The following CHERP variants were observed in gnomAD, a reference collection of about 807,000 sequenced individuals.
CHERP encodes calcium homeostasis endoplasmic reticulum protein.
A neutral mutation model predicts 113.8 loss-of-function variants in CHERP; 8 were observed. The ratio of observed to expected loss-of-function variants is 0.07; its 90% confidence interval spans 0.04 to 0.13. The LOEUF (loss-of-function observed/expected upper bound fraction) is 0.13. Among genes scored for constraint, CHERP ranks in the 10% least tolerant of loss-of-function variants. The pLI, the probability that CHERP is intolerant of heterozygous loss-of-function variation, is 1.00. For missense variants in CHERP, 884 were observed against 1,298.2 expected (o/e 0.68, Z 4.90); for synonymous variants, 559 against 524.5 (o/e 1.07, Z -0.90).
chr19:16,527,036 G>A (rs2085661753), intron 9 of CHERP, among the ~76,000 whole-genome samples: 1 of 152,214 alleles, frequency 6.6e-6, no homozygotes, highest in African/African-American at 2.4e-5. Flanking sequence ...AACGTGTTAA[G>A]ACCCCACATG....
intron 8 of CHERP, among the ~76,000 whole-genome samples, chr19:16,528,949 T>C (rs2085675822): frequency 6.6e-6 from 1 of 152,066 alleles, no homozygotes; most frequent in Non-Finnish European, 1.5e-5. Context: ...CAAGACTCCA[T>C]CTCAAAAAAA....
At position 16,535,727 on chromosome 19, in the gene CHERP, C is replaced by T; in HGVS notation, c.200-91G>A. 2.4e-6 allele frequency: 3 copies of T among 1,251,500 alleles called. No homozygotes were observed. Among genetic ancestry groups the T allele is most frequent in the Non-Finnish European group, 3.2e-6 (3 of 931,124 alleles). The allele number at this position is 1,251,500 out of a possible 1,614,324, so 77.5% of individuals were successfully genotyped here. ...ACCTCTCAGCCACAGGGGCCTCCCC[C>T]TCCCCAGGGACTCACCATCCACGAG... On this transcript the variant is annotated intron_variant, in intron 2 of 16. Transcript: ENST00000546361. This position sits in a 1 kb window ranked among gnomAD's most constrained non-coding sequence, Gnocchi z 4.3.
intron 9 of CHERP, among the ~76,000 whole-genome samples, chr19:16,527,732 A>G (rs1399966954): frequency 6.6e-6 from 1 of 152,222 alleles, no homozygotes; most frequent in African/African-American, 2.4e-5. Context: ...CAGGATGACA[A>G]AACACTGACA....
At chr19:16,522,610 C>T (rs2085627160) in intron 11 of CHERP, among the ~76,000 whole-genome samples, 1 of 152,160 alleles carries the variant, frequency 6.6e-6, no homozygotes, top group African/African-American at 2.4e-5. Context: ...GGCCATCCCA[C>T]AGTGGTACCA....
In CHERP at chr19:16,523,465, C is replaced by T. The variant is rs947691352; in HGVS notation, c.1742-175G>A. Among the ~76,000 whole-genome samples the T allele has an allele frequency of 2.0e-5, 3 of 152,036 alleles. No individual in the cohort carries two copies. The highest frequency in any genetic ancestry group is 6.6e-5 in the Admixed American group (1 of 15,262). ...AGCAAGGCACCGAGGAGCCAGGCTC[C>T]GAGGGGCCTGTCCCGCACCCATAGG... On this transcript the variant is annotated intron_variant, in intron 10 of 16. Transcript: ENST00000546361. The surrounding 1 kb of genome is among the most constrained non-coding windows in gnomAD (Gnocchi z 4.0).
Position 16,535,691 on chromosome 19 carries a change from T to G in CHERP, c.200-55A>C. The G allele has an allele frequency of 7.0e-7, 1 of 1,423,194 alleles. No homozygotes were observed. Among genetic ancestry groups the G allele is most frequent in the Non-Finnish European group, 9.3e-7 (1 of 1,080,496 alleles). 88.2% of individuals were successfully genotyped at this position (1,423,194 alleles called of 1,614,324 possible). ...GAGAATGCAGATGGGGGTCTAGGTG[T>G]CCCCTTGGCCACCTCTCAGCCACAG... On this transcript the variant is annotated intron_variant, in intron 2 of 16. Coordinates refer to ENST00000546361, the MANE Select transcript of CHERP (RefSeq NM_006387.6). This position sits in a 1 kb window ranked among gnomAD's most constrained non-coding sequence, Gnocchi z 4.3.
chr19:16,529,541 G>C, intron 8 of CHERP, 107 bp downstream of exon 8: 1 of 1,375,026 alleles, frequency 7.3e-7, no homozygotes, highest in Admixed American at 2.1e-5. Flanking sequence ...TGGGACGAGG[G>C]AACAAGAACT....
rs1225147150 is a variant in CHERP at position 16,532,993 on chromosome 19, G to A, written c.522+18C>T. The stretch of plus-strand genomic sequence containing the variant: ...GGACCAAGGGAAAGCTGGGCTCTGG[G>A]AAGTGCTGGCCCCTCACCGAGATGG... On this transcript the variant is annotated intron_variant, in intron 4 of 16. Coordinates refer to ENST00000546361, the MANE Select transcript of CHERP (RefSeq NM_006387.6). The surrounding 1 kb of genome is among the most constrained non-coding windows in gnomAD (Gnocchi z 4.4). The A allele has an allele frequency of 1.3e-6, 2 of 1,560,604 alleles. No individual in the cohort carries two copies. Among genetic ancestry groups the A allele is most frequent in the Non-Finnish European group, 1.7e-6 (2 of 1,151,548 alleles).
At position 16,535,311 on chromosome 19, in the gene CHERP, G is replaced by C. The variant is rs1252538027; in HGVS notation, c.384+141C>G. The C allele has an allele frequency of 8.3e-6, 7 of 846,206 alleles. No individual in the cohort carries two copies. The highest frequency in any genetic ancestry group is 3.4e-5 in the African/African-American group (2 of 59,176). The allele number at this position is 846,206 out of a possible 1,614,324, so 52.4% of individuals were successfully genotyped here. A position where few individuals can be genotyped will look rare whatever the true frequency, so the allele number is the denominator to read the frequency against. On this transcript the variant is annotated intron_variant, in intron 3 of 16. Transcript: ENST00000546361. The surrounding 1 kb of genome is among the most constrained non-coding windows in gnomAD (Gnocchi z 4.3). ...TCTGGCATCAGGGCTGGGGGTGACA[G>C]TGGCTGACATGCACCGAGCCCTGGG...
Position 16,519,018 on chromosome 19 carries a change from TCTTC to T in CHERP, c.*137_*140del. 1 of 795,572 alleles carries T rather than the reference TCTTC, an allele frequency of 1.3e-6. No individual in the cohort carries two copies. The allele number at this position is 795,572 out of a possible 1,614,324, so 49.3% of individuals were successfully genotyped here. ...GGCGTTCCCACTGGGCATGCGCTGGTCTTCCTTCTCTTCCTGTGGCTCTCCACAA... is the reference window on the plus strand; with the variant it reads ...GGCGTTCCCACTGGGCATGCGCTGGTCTTCTCTTCCTGTGGCTCTCCACAA... On this transcript the variant is annotated 3_prime_UTR_variant, in exon 17 of 17. Transcript: ENST00000546361. The surrounding 1 kb of genome is among the most constrained non-coding windows in gnomAD (Gnocchi z 6.0).
In CHERP at chr19:16,535,347, G is replaced by A. The variant is rs567783020; in HGVS notation, c.384+105C>T. Reference sequence around the variant, plus strand: ...GCACCGAGCCCTGGGTGGCAGGGGGGGCCCTGTCCTCACTGACACCTGTTA... The same window carrying A: ...GCACCGAGCCCTGGGTGGCAGGGGGAGCCCTGTCCTCACTGACACCTGTTA... On this transcript the variant is annotated intron_variant, in intron 3 of 16. Coordinates refer to ENST00000546361, the MANE Select transcript of CHERP (RefSeq NM_006387.6). This position sits in a 1 kb window ranked among gnomAD's most constrained non-coding sequence, Gnocchi z 4.3. The A allele has an allele frequency of 3.2e-6, 4 of 1,242,132 alleles. No individual in the cohort carries two copies. The highest frequency in any genetic ancestry group is 4.2e-5 in the Admixed American group (2 of 47,104). 76.9% of individuals were successfully genotyped at this position (1,242,132 alleles called of 1,614,324 possible).
At chr19:16,541,301 C>G (rs545949400) in intron 2 of CHERP, 1 of 152,400 alleles carries the variant, frequency 6.6e-6, no homozygotes, top group Non-Finnish European at 1.5e-5. Flanking sequence ...AGCCGCACCA[C>G]CTGGTGACTA....
chr19:16,528,885 G>A (rs565811189), intron 8 of CHERP, among the ~76,000 whole-genome samples: 2 of 152,310 alleles, frequency 1.3e-5, no homozygotes, highest in Non-Finnish European at 2.9e-5. Context: ...CCCAGGAAGC[G>A]GAGCTTGCAG....
In CHERP at chr19:16,520,457, G is replaced by A; in HGVS notation, c.2252C>T (p.Ser751Phe). 1 of 1,614,092 alleles carries A rather than the reference G, an allele frequency of 6.2e-7. No individual in the cohort carries two copies. The highest frequency in any genetic ancestry group is 8.5e-7 in the Non-Finnish European group (1 of 1,180,022). The change falls in exon 14 of 17, where the codon TCC becomes TTC. Residue 751 changes from serine (S) to phenylalanine (F), a missense_variant. Ser to Phe is a radical substitution (Grantham distance 155). This residue lies in a region of CHERP where 159 missense variants were observed against 185.8 expected (regional missense o/e 0.86). Coordinates refer to ENST00000546361, the MANE Select transcript of CHERP (RefSeq NM_006387.6). This position sits in a 1 kb window ranked among gnomAD's most constrained non-coding sequence, Gnocchi z 4.0. ...CTTGGAGGATCTTGAGTTGGAGCGG[G>A]AGGAAGAACGCCCTCGACTCTTGGA... The part of the protein sequence containing the change: ...SRSKSRGRSS[S>F]RSNSRSSKSS...
In CHERP at chr19:16,541,871, C is replaced by G. The variant is rs2085782495; in HGVS notation, c.198G>C (p.Gln66His). 1.2e-6 allele frequency: 2 copies of G among 1,611,758 alleles called. No homozygotes were observed. The highest frequency in any genetic ancestry group is 1.7e-6 in the Non-Finnish European group (2 of 1,179,458). ...YKCKLALEQQ[Q>H]LICKQQTPEL... ...GCCTGAGTGCCGGAGGGGACTCACG[C>G]TGCTGCTGCTCCAGCGCCAGCTTGC... The change falls in exon 2 of 17, where the codon CAG becomes CAC. Residue 66 changes from glutamine (Q) to histidine (H), a missense_variant and splice_region_variant. Physicochemically the swap from Gln to His is conservative, Grantham distance 24. This residue lies in a region of CHERP where 109 missense variants were observed against 134.2 expected (regional missense o/e 0.81). Coordinates refer to ENST00000546361, the MANE Select transcript of CHERP (RefSeq NM_006387.6).
At position 16,532,796 on chromosome 19, in the gene CHERP, C is replaced by T. The variant is rs780369017; in HGVS notation, c.523-47G>A. 1.4e-5 allele frequency: 22 copies of T among 1,576,542 alleles called. No individual in the cohort carries two copies. Among genetic ancestry groups the T allele is most frequent in the Non-Finnish European group, 1.8e-5 (21 of 1,156,608 alleles). On this transcript the variant is annotated intron_variant, in intron 4 of 16. Coordinates refer to ENST00000546361, the MANE Select transcript of CHERP (RefSeq NM_006387.6). This position sits in a 1 kb window ranked among gnomAD's most constrained non-coding sequence, Gnocchi z 4.4. ...CGAGTGAGCAGGGCCGCGGCTCCCC[C>T]AGGCACCCACTGCATCCCTGAGAGC...
chr19:16,519,810 GCTCA>G lies in CHERP; in HGVS notation c.2463-99_2463-96del, dbSNP rs1484271564. On this transcript the variant is annotated intron_variant, in intron 15 of 16. Coordinates refer to ENST00000546361, the MANE Select transcript of CHERP (RefSeq NM_006387.6). This position sits in a 1 kb window ranked among gnomAD's most constrained non-coding sequence, Gnocchi z 6.0. ...CCTCACAGCCGCAGCTTGCGTGCAT[GCTCA>G]CTGTCACCAGGTGACACCGTATGCA... 32 of 1,064,778 alleles carry G rather than the reference GCTCA, an allele frequency of 3.0e-5. No individual in the cohort carries two copies. Among genetic ancestry groups the G allele is most frequent in the Admixed American group, 1.0e-4 (6 of 58,766 alleles). The allele number at this position is 1,064,778 out of a possible 1,614,324, so 66.0% of individuals were successfully genotyped here.
chr19:16,519,791 A>G lies in CHERP; in HGVS notation c.2463-76T>C. 1 of 1,279,378 alleles carries G rather than the reference A, an allele frequency of 7.8e-7. No individual in the cohort carries two copies. Among genetic ancestry groups the G allele is most frequent in the South Asian group, 1.2e-5 (1 of 83,558 alleles). 79.3% of individuals were successfully genotyped at this position (1,279,378 alleles called of 1,614,324 possible). Reference sequence around the variant, plus strand: ...GGAATGACAGTGATGAGGACCTCACAGCCGCAGCTTGCGTGCATGCTCACT... The same window carrying G: ...GGAATGACAGTGATGAGGACCTCACGGCCGCAGCTTGCGTGCATGCTCACT... On this transcript the variant is annotated intron_variant, in intron 15 of 16. Coordinates refer to ENST00000546361, the MANE Select transcript of CHERP (RefSeq NM_006387.6). This position sits in a 1 kb window ranked among gnomAD's most constrained non-coding sequence, Gnocchi z 6.0.
intron 10 of CHERP, among the ~76,000 whole-genome samples, chr19:16,524,102 T>C (rs573488190): frequency 1.3e-5 from 2 of 149,252 alleles, no homozygotes; most frequent in East Asian, 2.0e-4. Context: ...ATACAAAAAT[T>C]AGCTGGGCAT....
Sources: allele counts gnomAD v4.1 joint callset (sites outside exome capture counted in the v4.1 genomes callset), GRCh38; gene constraint gnomAD v4.1.1; regional missense constraint gnomAD v4.1.1; non-coding constraint Gnocchi (gnomAD v3.1); transcripts MANE v1.5; gene names NCBI Gene and HGNC (gene_info 2026-07-23, HGNC 2026-07-21).